The following GLDC variants were observed in gnomAD, a reference collection of about 807,000 sequenced individuals.
The protein encoded by GLDC is glycine dehydrogenase (decarboxylating), mitochondrial.
Under a neutral mutation model 121.3 loss-of-function variants are expected in GLDC, and 104 were observed. That is an observed-to-expected ratio of 0.86 (90% CI 0.73 to 1.01). The LOEUF (loss-of-function observed/expected upper bound fraction) is 1.01. Among genes scored for constraint, GLDC ranks in the 50% least tolerant of loss-of-function variants. GLDC has a pLI of 0.00. For missense variants in GLDC, 1,429 were observed against 1,306.6 expected (o/e 1.09, Z -1.44); for synonymous variants, 546 against 480.6 (o/e 1.14, Z -1.78).
At chr9:6,622,365 A>C (rs1755612) in intron 2 of GLDC, among the ~76,000 whole-genome samples, 61,123 of 141,114 alleles carry the variant, frequency 0.43, 13,994 homozygotes, top group African/African-American at 0.58. Flanking sequence ...CCTCAGCCTG[A>C]CGAGTGCCTG....
intron 15 of GLDC, among the ~76,000 whole-genome samples, chr9:6,583,764 C>T (rs1818214668): frequency 6.6e-6 from 1 of 152,158 alleles, no homozygotes; most frequent in African/African-American, 2.4e-5. Context: ...AAGCCAGACA[C>T]AAAAGGACAA....
intron 20 of GLDC, 147 bp downstream of exon 20, chr9:6,553,221 C>T (rs769440435): frequency 1.4e-6 from 1 of 711,918 alleles, no homozygotes; most frequent in Non-Finnish European, 2.4e-6. Flanking sequence ...AGGTTTCTTC[C>T]ACCCAGGCCA....
rs962872881 is a variant in GLDC at position 6,579,036 on chromosome 9, A to C, written c.1850+8105T>G. Among the ~76,000 whole-genome samples, 4 of 152,200 alleles carry C rather than the reference A, an allele frequency of 2.6e-5. No homozygotes were observed. In the South Asian group the frequency reaches 8.3e-4, roughly 32 times the overall value. On this transcript the variant is annotated intron_variant, in intron 15 of 24. Transcript: ENST00000321612. ...TTGTTAAGAAATCATTTATTTCTCT[A>C]TGTTTTTAAATTTGTTGACACAGGG...
intron 24 of GLDC, 72 bp from the exon 25 acceptor site, chr9:6,533,232 A>G (rs1011300122): frequency 1.2e-5 from 16 of 1,286,968 alleles, no homozygotes; most frequent in Non-Finnish European, 1.8e-5. Flanking sequence ...GGAGGTGGCA[A>G]TGCTAGTCCC....
At chr9:6,559,896 G>T (rs1192791918) in intron 16 of GLDC, among the ~76,000 whole-genome samples, 1 of 152,176 alleles carries the variant, frequency 6.6e-6, no homozygotes, top group African/African-American at 2.4e-5. Flanking sequence ...ATGGTGGCCT[G>T]TGAATGACTG....
At chr9:6,600,761 G>C (rs1818592866) in intron 8 of GLDC, among the ~76,000 whole-genome samples, 1 of 152,104 alleles carries the variant, frequency 6.6e-6, no homozygotes, top group African/African-American at 2.4e-5. Flanking sequence ...ACTGATCCTA[G>C]GGTTTGGCTG....
intron 15 of GLDC, among the ~76,000 whole-genome samples, chr9:6,585,861 T>C (rs920396681): frequency 2.7e-4 from 31 of 114,152 alleles, no homozygotes; most frequent in African/African-American, 9.6e-4. Context: ...TGTATGTATG[T>C]ATGTATGTAT....
At chr9:6,605,502 T>A in intron 5 of GLDC, 1 of 590,558 alleles carries the variant, frequency 1.7e-6, no homozygotes, top group South Asian at 1.8e-5. Flanking sequence ...ATCCTCTGAC[T>A]CCCCTTTGCC....
intron 21 of GLDC, among the ~76,000 whole-genome samples, chr9:6,547,690 T>C (rs906571188): frequency 6.6e-6 from 1 of 152,214 alleles, no homozygotes; most frequent in Non-Finnish European, 1.5e-5. Flanking sequence ...GGCCACATTG[T>C]AATAAATGCA....
At chr9:6,597,761 C>G (rs1012947191) in intron 8 of GLDC, among the ~76,000 whole-genome samples, 1 of 151,870 alleles carries the variant, frequency 6.6e-6, no homozygotes, top group Non-Finnish European at 1.5e-5. Flanking sequence ...ATGGTGAAAC[C>G]CTGTATCTAC....
intron 22 of GLDC, among the ~76,000 whole-genome samples, chr9:6,536,969 C>G (rs80107582): frequency 0.014 from 2,195 of 151,624 alleles, 44 homozygotes; most frequent in African/African-American, 0.05. Context: ...AGTCAAGAGA[C>G]AGATTTCCAG....
chr9:6,608,266 A>G (rs1818776456), intron 4 of GLDC, among the ~76,000 whole-genome samples: 1 of 148,010 alleles, frequency 6.8e-6, no homozygotes, highest in Non-Finnish European at 1.5e-5. Flanking sequence ...ACAAAAAAAA[A>G]AAACCCTTAG....
At chr9:6,622,156 A>C (rs1228257145) in intron 2 of GLDC, among the ~76,000 whole-genome samples, 1 of 112,878 alleles carries the variant, frequency 8.9e-6, no homozygotes, top group Non-Finnish European at 1.7e-5. Context: ...CCACACACAC[A>C]CAGACACACA....
chr9:6,606,561 C>A lies in GLDC; in HGVS notation c.713+31G>T, dbSNP rs757506640. ...CAGCAGAGATGAACATGACATTATACTGAGTTTAAAACACGAATCAAATTA... is the reference window on the plus strand; with the variant it reads ...CAGCAGAGATGAACATGACATTATAATGAGTTTAAAACACGAATCAAATTA... On this transcript the variant is annotated intron_variant, in intron 5 of 24. Transcript: ENST00000321612. 1.6e-5 allele frequency: 20 copies of A among 1,255,400 alleles called. No individual in the cohort carries two copies. In the Middle Eastern group the frequency reaches 9.3e-4, roughly 58 times the overall value. The allele number at this position is 1,255,400 out of a possible 1,614,324, so 77.8% of individuals were successfully genotyped here.
At chr9:6,632,972 G>T (rs945730950) in intron 2 of GLDC, among the ~76,000 whole-genome samples, 20 of 151,708 alleles carry the variant, frequency 1.3e-4, no homozygotes, top group African/African-American at 4.9e-4. Context: ...GATGCTCTCA[G>T]CAGACCCTCC....
At chr9:6,607,263 A>T (rs1486807400) in intron 4 of GLDC, among the ~76,000 whole-genome samples, 2 of 152,032 alleles carry the variant, frequency 1.3e-5, no homozygotes, top group African/African-American at 4.8e-5. Flanking sequence ...GAAAAAGAAA[A>T]TAAAGCAAAG....
intron 21 of GLDC, among the ~76,000 whole-genome samples, chr9:6,543,692 C>T (rs1006734394): frequency 1.3e-5 from 2 of 152,304 alleles, no homozygotes; most frequent in African/African-American, 2.4e-5. Flanking sequence ...TGGTGGCTGT[C>T]AGAAGCCAGA....
At chr9:6,608,809 T>A (rs1448286115) in intron 4 of GLDC, among the ~76,000 whole-genome samples, 4 of 151,746 alleles carry the variant, frequency 2.6e-5, no homozygotes, top group African/African-American at 4.8e-5. Flanking sequence ...AGCAATTTTT[T>A]AAAAAAAGAG....
chr9:6,564,179 C>T (rs1310733676), intron 16 of GLDC, among the ~76,000 whole-genome samples: 1 of 150,670 alleles, frequency 6.6e-6, no homozygotes, highest in Non-Finnish European at 1.5e-5. Context: ...ACCCAGGAGG[C>T]AGAGGTTGCA....
Sources: allele counts gnomAD v4.1 joint callset (sites outside exome capture counted in the v4.1 genomes callset), GRCh38; gene constraint gnomAD v4.1.1; transcripts MANE v1.5; gene names NCBI Gene and HGNC (gene_info 2026-07-23, HGNC 2026-07-21).